PCDHGB1: variants seen among roughly 807,000 people sequenced by gnomAD.
PCDHGB1 encodes protocadherin gamma subfamily B, 1.
In PCDHGB1, 34 loss-of-function variants were observed where a neutral mutation model predicts 56.6. The observed-to-expected ratio is 0.60, with a 90% confidence interval of 0.46 to 0.80. The LOEUF (loss-of-function observed/expected upper bound fraction) is 0.80. Ranked by LOEUF, PCDHGB1 falls within the 30% of genes least tolerant of loss-of-function variation. The pLI is 0.00. For synonymous variants in PCDHGB1, 561 were observed against 505.9 expected, an observed-to-expected ratio of 1.11 and a Z score of -1.46; for missense variants, 1,278 against 1,204.6, an observed-to-expected ratio of 1.06 and a Z score of -0.90.
chr5:141,491,247 G>A lies in PCDHGB1; in HGVS notation c.2410-3560G>A, dbSNP rs1356752106. ...CAGTGCTGCTGGTTCTGGAGGATGA[G>A]GACCCTGAGGAAATGCCCAAATCCA... On this transcript the variant is annotated intron_variant, in intron 1 of 3. Coordinates refer to ENST00000523390, the MANE Select transcript of PCDHGB1 (RefSeq NM_018922.3). The surrounding 1 kb of genome is among the most constrained non-coding windows in gnomAD (Gnocchi z 6.9). The A allele has an allele frequency of 3.2e-5, 51 of 1,614,192 alleles. No individual in the cohort carries two copies. The highest frequency in any genetic ancestry group is 4.3e-5 in the Non-Finnish European group (51 of 1,180,018).
rs2097456240 is a variant in PCDHGB1, at chr5:141,432,134, G to T, written c.2410-62673G>T. 3 of 1,613,756 alleles carry T rather than the reference G, an allele frequency of 1.9e-6. No individual in the cohort carries two copies. The highest frequency in any genetic ancestry group is 1.3e-5 in the African/African-American group (1 of 74,800). On this transcript the variant is annotated intron_variant, in intron 1 of 3. Coordinates refer to ENST00000523390, the MANE Select transcript of PCDHGB1 (RefSeq NM_018922.3). This position sits in a 1 kb window ranked among gnomAD's most constrained non-coding sequence, Gnocchi z 6.0. The stretch of plus-strand genomic sequence containing the variant: ...GGTCTTCCCTCAGGCCTCCTATTCC[G>T]CTTATATCCCAGAGAACAATCCCAG...
intron 3 of PCDHGB1, among the ~76,000 whole-genome samples, chr5:141,506,300 T>G (rs2099852124): frequency 6.6e-6 from 1 of 151,976 alleles, no homozygotes; most frequent in East Asian, 1.9e-4. Flanking sequence ...AATACAAAAA[T>G]TAGCTGGGCA....
At chr5:141,411,097 A>C (rs2095464397) in intron 1 of PCDHGB1, 1 of 153,002 alleles carries the variant, frequency 6.5e-6, no homozygotes, top group Non-Finnish European at 1.4e-5. Flanking sequence ...TGATCCTCCC[A>C]CCTTGGCCTC....
At chr5:141,400,668 G>A in intron 1 of PCDHGB1, 3 of 970,702 alleles carry the variant, frequency 3.1e-6, no homozygotes, top group Non-Finnish European at 4.6e-6. Context: ...TCTTTAAGAG[G>A]AGCAGTAAAT....
At chr5:141,369,931 G>A (rs189671348) in intron 1 of PCDHGB1, among the ~76,000 whole-genome samples, 35 of 152,224 alleles carry the variant, frequency 2.3e-4, no homozygotes, top group African/African-American at 7.9e-4. Flanking sequence ...AAACGTGACG[G>A]GATTGAGCAA....
intron 1 of PCDHGB1, chr5:141,371,702 GACC>G (rs768822916): frequency 1.1e-5 from 18 of 1,613,922 alleles, no homozygotes; most frequent in Non-Finnish European, 1.7e-6. Context: ...CCTCCAGCAA[GACC>G]ATCACTCTGC....
chr5:141,401,725 T>C lies in PCDHGB1; in HGVS notation c.2409+49056T>C, dbSNP rs2094187242. Among the ~76,000 whole-genome samples the C allele has an allele frequency of 2.0e-5, 3 of 152,322 alleles. No individual in the cohort carries two copies. In the South Asian group the frequency reaches 6.2e-4, roughly 32 times the overall value. ...ATTCCATTTTTAAGACAAAAACTAC[T>C]AGTCTTGTGTACATACAAAGCTCCC... On this transcript the variant is annotated intron_variant, in intron 1 of 3. Coordinates refer to ENST00000523390, the MANE Select transcript of PCDHGB1 (RefSeq NM_018922.3).
chr5:141,361,664 A>G (rs1762121491), intron 1 of PCDHGB1: 1 of 1,613,702 alleles, frequency 6.2e-7, no homozygotes, highest in Non-Finnish European at 8.5e-7. Context: ...GTGAGCGCGC[A>G]GAGCGGGGTG....
At chr5:141,393,583 C>A in intron 1 of PCDHGB1, 1 of 1,613,930 alleles carries the variant, frequency 6.2e-7, no homozygotes, top group Non-Finnish European at 8.5e-7. Context: ...AACATGCCCC[C>A]AGGCACGCGG....
chr5:141,355,258 C>T (rs1330047112), intron 1 of PCDHGB1: 10 of 1,613,526 alleles, frequency 6.2e-6, no homozygotes, highest in Non-Finnish European at 8.5e-6. Context: ...CTGCCTTCTC[C>T]TGGGGGTTCT....
chr5:141,491,022 C>T lies in PCDHGB1; in HGVS notation c.2410-3785C>T, dbSNP rs1431293281. 6.8e-6 allele frequency: 11 copies of T among 1,614,116 alleles called. No homozygotes were observed. Among genetic ancestry groups the T allele is most frequent in the East Asian group, 2.2e-5 (1 of 44,886 alleles). On this transcript the variant is annotated intron_variant, in intron 1 of 3. Coordinates refer to ENST00000523390, the MANE Select transcript of PCDHGB1 (RefSeq NM_018922.3). The surrounding 1 kb of genome is among the most constrained non-coding windows in gnomAD (Gnocchi z 6.9). ...GCTCCTTGGTCACCAAGGTGACAGCCGTGGATGCTGATGCAGGCCACAATG... is the reference window on the plus strand; with the variant it reads ...GCTCCTTGGTCACCAAGGTGACAGCTGTGGATGCTGATGCAGGCCACAATG...
At chr5:141,360,102 C>T (rs530757240) in intron 1 of PCDHGB1, 116 of 1,535,872 alleles carry the variant, frequency 7.6e-5, no homozygotes, top group Middle Eastern at 5.3e-4. Context: ...AGGCTTATTC[C>T]TCCTATGGGC....
chr5:141,370,960 G>A, intron 1 of PCDHGB1: 2 of 1,614,014 alleles, frequency 1.2e-6, no homozygotes, highest in Non-Finnish European at 1.7e-6. Context: ...CTGGATGGCA[G>A]TAGGTACCCA....
chr5:141,388,448 C>CA, intron 1 of PCDHGB1: 1 of 1,613,760 alleles, frequency 6.2e-7, no homozygotes, highest in Non-Finnish European at 8.5e-7. Context: ...AATCAGATGG[C>CA]AGTAAATACC....
At chr5:141,507,809 C>G (rs866898784) in intron 3 of PCDHGB1, among the ~76,000 whole-genome samples, 1 of 152,206 alleles carries the variant, frequency 6.6e-6, no homozygotes, top group Non-Finnish European at 1.5e-5. Context: ...CCCTGGGGAA[C>G]GGACCCTGGG....
chr5:141,510,814 CT>C, intron 3 of PCDHGB1, 132 bp from the exon 4 acceptor site: 1 of 1,544,688 alleles, frequency 6.5e-7, no homozygotes, highest in Non-Finnish European at 8.8e-7. Context: ...TTGGTGACCC[CT>C]ATATTCCCAG....
Position 141,477,584 on chromosome 5 carries a change from G to A in PCDHGB1, c.2410-17223G>A. 5 of 1,614,148 alleles carry A rather than the reference G, an allele frequency of 3.1e-6. No homozygotes were observed. Among genetic ancestry groups the A allele is most frequent in the Non-Finnish European group, 4.2e-6 (5 of 1,180,032 alleles). On this transcript the variant is annotated intron_variant, in intron 1 of 3. Coordinates refer to ENST00000523390, the MANE Select transcript of PCDHGB1 (RefSeq NM_018922.3). This position sits in a 1 kb window ranked among gnomAD's most constrained non-coding sequence, Gnocchi z 4.9. ...CTGGGACCCCGACGCCCCGCAGAAT[G>A]CTCGGCTTTCTTTCTTTCTCTTGGA...
At chr5:141,375,144 G>A (rs747224962) in intron 1 of PCDHGB1, 3 of 1,613,936 alleles carry the variant, frequency 1.9e-6, no homozygotes, top group Non-Finnish European at 2.5e-6. Flanking sequence ...TCTGGAAGCA[G>A]AACAATTGCT....
chr5:141,447,848 G>A (rs539844218), intron 1 of PCDHGB1, among the ~76,000 whole-genome samples: 46 of 152,302 alleles, frequency 3.0e-4, no homozygotes, highest in East Asian at 2.7e-3. Context: ...TGCTTTGGGA[G>A]GCCGAGGTGG....
Sources: allele counts gnomAD v4.1 joint callset (sites outside exome capture counted in the v4.1 genomes callset), GRCh38; gene constraint gnomAD v4.1.1; non-coding constraint Gnocchi (gnomAD v3.1); transcripts MANE v1.5; gene names NCBI Gene and HGNC (gene_info 2026-07-23, HGNC 2026-07-21).